The following ANK2 variants were observed in gnomAD, a reference collection of about 807,000 sequenced individuals.
The protein encoded by ANK2 is ankyrin 2.
A neutral mutation model predicts 360.5 loss-of-function variants in ANK2; 83 were observed. That is an observed-to-expected ratio of 0.23 (90% CI 0.19 to 0.28). The LOEUF (loss-of-function observed/expected upper bound fraction) is 0.28, where lower values mean the gene tolerates loss of function less well. Ranked by LOEUF, ANK2 falls within the 10% of genes least tolerant of loss-of-function variation. ANK2 has a pLI of 1.00. For missense variants in ANK2, 4,201 were observed against 4,795.7 expected (o/e 0.88, Z 3.66); for synonymous variants, 1,740 against 1,759.5 (o/e 0.99, Z 0.28).
chr4:113,232,111 C>T (rs763171919), intron 4 of ANK2, 50 bp from the exon 5 acceptor site: 1 of 1,328,388 alleles, frequency 7.5e-7, no homozygotes, highest in African/African-American at 1.4e-5. Context: ...TCCTAGTGTT[C>T]TCTCTTATAC....
At chr4:113,218,977 A>G (rs1047232525) in intron 4 of ANK2, among the ~76,000 whole-genome samples, 6 of 152,180 alleles carry the variant, frequency 3.9e-5, no homozygotes, top group African/African-American at 9.6e-5. Context: ...AAAGCACCCT[A>G]TAGCGATTGT....
Position 112,824,797 on chromosome 4 carries a change from C to G in ANK2, c.-40+6533C>G, listed in dbSNP as rs931936201. 5.3e-5 allele frequency among the ~76,000 whole-genome samples: 8 copies of G among 152,138 alleles called. No individual in the cohort carries two copies. The East Asian group carries it at 1.5e-3, about 29-fold the overall frequency. ...GATTATAGGTGTGAGCCACTGCACC[C>G]TGCTTTTAGCATATTTTTATTCTTT... On this transcript the variant is annotated intron_variant, in intron 1 of 30. Transcript: ENST00000503271.
intron 40 of ANK2, among the ~76,000 whole-genome samples, chr4:113,364,433 G>A (rs552841566): frequency 5.9e-5 from 9 of 152,240 alleles, no homozygotes; most frequent in African/African-American, 1.4e-4. Context: ...ACTCTTGCAC[G>A]ATATGCGTAT....
intron 34 of ANK2, among the ~76,000 whole-genome samples, chr4:113,344,668 T>A (rs2094635242): frequency 6.6e-6 from 1 of 152,086 alleles, no homozygotes; most frequent in Non-Finnish European, 1.5e-5. Flanking sequence ...CAAAATGCGG[T>A]ATACACATGC....
At chr4:113,368,941 T>C (rs2096632779) in intron 42 of ANK2, among the ~76,000 whole-genome samples, 1 of 152,224 alleles carries the variant, frequency 6.6e-6, no homozygotes, top group Non-Finnish European at 1.5e-5. Flanking sequence ...TAATCTTATT[T>C]AGCAGTTGAG....
chr4:112,835,217 T>C (rs1176462265), intron 1 of ANK2, among the ~76,000 whole-genome samples: 2 of 152,228 alleles, frequency 1.3e-5, no homozygotes, highest in African/African-American at 4.8e-5. Flanking sequence ...TTTTAAATTC[T>C]TACATTCTGT....
chr4:112,795,624 C>T, the ANK2 span, among the ~76,000 whole-genome samples: 1 of 152,102 alleles, frequency 6.6e-6, no homozygotes, highest in Non-Finnish European at 1.5e-5. Flanking sequence ...CTGCCTCAGC[C>T]TCCTGAGCAG....
the ANK2 span, among the ~76,000 whole-genome samples, chr4:112,746,410 A>G: frequency 4.0e-5 from 6 of 151,660 alleles, no homozygotes; most frequent in African/African-American, 1.2e-4. Flanking sequence ...CAGGAGGCTC[A>G]GGCAGGAGAA....
At chr4:112,836,727 G>C (rs1274945700) in intron 1 of ANK2, among the ~76,000 whole-genome samples, 1 of 152,202 alleles carries the variant, frequency 6.6e-6, no homozygotes, top group Non-Finnish European at 1.5e-5. Flanking sequence ...GTGAAACTTT[G>C]AACTTGAGAG....
At chr4:113,273,342 G>GTTT (rs2059171912) in intron 14 of ANK2, among the ~76,000 whole-genome samples, 1 of 152,072 alleles carries the variant, frequency 6.6e-6, no homozygotes, top group Non-Finnish European at 1.5e-5. Context: ...ATGAAGAAAG[G>GTTT]TTTTCAATTG....
intron 23 of ANK2, 58 bp from the exon 24 acceptor site, chr4:113,311,197 G>A: frequency 6.2e-7 from 1 of 1,605,976 alleles, no homozygotes; most frequent in Middle Eastern, 1.7e-4. Context: ...ATGACCATAT[G>A]TTGTAGTTGA....
upstream of ANK2, among the ~76,000 whole-genome samples, chr4:113,048,134 G>C (rs553895011): frequency 1.5e-4 from 22 of 150,372 alleles, no homozygotes; most frequent in Non-Finnish European, 3.0e-4. Context: ...TTACTTCTAA[G>C]TATGCTGTGT....
At chr4:113,288,553 A>C in intron 20 of ANK2, 67 bp downstream of exon 20, 1 of 1,292,404 alleles carries the variant, frequency 7.7e-7, no homozygotes, top group Admixed American at 1.7e-5. Context: ...ATGCTTCACT[A>C]GTTTACCAAA....
chr4:112,887,498 TGAG>T (rs1050398676), intron 1 of ANK2, among the ~76,000 whole-genome samples: 3 of 152,228 alleles, frequency 2.0e-5, no homozygotes, highest in African/African-American at 4.8e-5. Flanking sequence ...CATTGTAACT[TGAG>T]GAGCATCTGT....
intron 4 of ANK2, among the ~76,000 whole-genome samples, chr4:113,222,562 G>A (rs2099163479): frequency 6.6e-6 from 1 of 151,572 alleles, no homozygotes; most frequent in South Asian, 2.1e-4. Context: ...AAGGGCAGCT[G>A]AGGGAGTAAA....
the ANK2 span, among the ~76,000 whole-genome samples, chr4:112,780,757 C>T: frequency 2.0e-5 from 3 of 152,116 alleles, no homozygotes; most frequent in Non-Finnish European, 4.4e-5. Context: ...TGCATAAAAC[C>T]ATCTGATCTC....
chr4:112,934,660 T>C (rs549612629), intron 2 of ANK2, among the ~76,000 whole-genome samples: 3 of 152,330 alleles, frequency 2.0e-5, no homozygotes, highest in East Asian at 1.9e-4. Context: ...ATAATAACTA[T>C]TGAGCATTCT....
At position 113,231,728 on chromosome 4, in the gene ANK2, C is replaced by T. The variant is rs112571175; in HGVS notation, c.385-433C>T. Among the ~76,000 whole-genome samples the T allele has an allele frequency of 6.5e-3, 993 of 152,038 alleles. 10 individuals carry two copies. Among genetic ancestry groups the T allele is most frequent in the African/African-American group, 0.023 (952 of 41,478 alleles). ...AAGTGATTTTCCTGCCTCAGCCTCC[C>T]GAGTAGCTGGGATTACAGGCATGCG... On this transcript the variant is annotated intron_variant, in intron 4 of 45. Coordinates refer to ENST00000357077, the MANE Select transcript of ANK2 (RefSeq NM_001148.6).
chr4:113,245,573 T>G (rs2042399188), intron 9 of ANK2, among the ~76,000 whole-genome samples: 1 of 151,994 alleles, frequency 6.6e-6, no homozygotes, highest in South Asian at 2.1e-4. Flanking sequence ...TATAAAACCA[T>G]CAGATCTCAT....
Sources: gnomAD v4.1 joint callset for allele counts (sites outside exome capture counted in the v4.1 genomes callset) on GRCh38, gnomAD v4.1.1 for gene constraint, MANE v1.5 for transcripts, NCBI Gene and HGNC (gene_info 2026-07-23, HGNC 2026-07-21) for gene names.